Variants in EFR3B observed in about 807,000 individuals in gnomAD.
EFR3B encodes protein EFR3 homolog B.
A neutral mutation model predicts 104.7 loss-of-function variants in EFR3B; 64 were observed. The ratio of observed to expected loss-of-function variants is 0.61; its 90% CI spans 0.50 to 0.75. The LOEUF is 0.75. Ranked by LOEUF, EFR3B falls within the 30% of genes least tolerant of loss-of-function variation. The pLI, the probability that EFR3B is intolerant of heterozygous loss-of-function variation, is 0.00. For synonymous variants in EFR3B, 385 were observed against 417.9 expected, an observed-to-expected ratio of 0.92 and a Z score of 0.96; for missense variants, 750 against 1,078.5, an observed-to-expected ratio of 0.70 and a Z score of 4.27.
At chr2:25,110,446 C>G (rs1310170982) in intron 4 of EFR3B, among the ~76,000 whole-genome samples, 5 of 152,202 alleles carry the variant, frequency 3.3e-5, no homozygotes, top group Admixed American at 2.6e-4. Context: ...CTTCTTCAGT[C>G]TCAAGATGCC....
rs796513512 is a variant in EFR3B at position 25,054,057 on chromosome 2, G to A, written c.7+11738G>A. ...TGCGCAGATCCCTTATCCCTAGACA[G>A]CAAAGCTGTGCAGTCCATGGGTTAG... On this transcript the variant is annotated intron_variant, in intron 1 of 22. Coordinates refer to ENST00000403714, the MANE Select transcript of EFR3B (RefSeq NM_014971.2). Among the ~76,000 whole-genome samples the A allele has an allele frequency of 2.5e-4, 38 of 152,340 alleles. 1 individual carries two copies. Among genetic ancestry groups the A allele is most frequent in the African/African-American group, 8.7e-4 (36 of 41,578 alleles).
chr2:25,068,263 G>A (rs143319978), intron 1 of EFR3B, among the ~76,000 whole-genome samples: 2 of 152,240 alleles, frequency 1.3e-5, no homozygotes, highest in East Asian at 3.9e-4. Flanking sequence ...GCCGACAGTC[G>A]TGTCCTACTC....
intron 16 of EFR3B, among the ~76,000 whole-genome samples, chr2:25,139,549 A>T (rs773712625): frequency 5.3e-5 from 8 of 152,214 alleles, no homozygotes; most frequent in Non-Finnish European, 8.8e-5. Flanking sequence ...ACCTCAGATC[A>T]TGCAGACTAC....
intron 4 of EFR3B, among the ~76,000 whole-genome samples, chr2:25,109,617 C>A (rs2149194795): frequency 6.6e-6 from 1 of 152,212 alleles, no homozygotes. Flanking sequence ...TAGAAACAAC[C>A]AAAAAGGTCA....
In EFR3B at chr2:25,131,830, G is replaced by A. The variant is rs1300938078; in HGVS notation, c.1066G>A (p.Asp356Asn). Residue 356 changes from aspartate (D) to asparagine (N), a missense_variant, in exon 10 of 23, where the codon GAC becomes AAC. Physicochemically the swap from Asp to Asn is conservative, Grantham distance 23 (BLOSUM62 1). Transcript: ENST00000403714. The surrounding 1 kb of genome is among the most constrained non-coding windows in gnomAD (Gnocchi z 7.6). ...SIDYALTGSYDGAVSLGTKII... is the reference protein window; with the variant it reads ...SIDYALTGSYNGAVSLGTKII... ...CGACTACGCGCTGACCGGGAGCTAC[G>A]ACGGGGCGGTCAGCCTCGGCACCAA... 8 of 1,549,908 alleles carry A rather than the reference G, an allele frequency of 5.2e-6. No homozygotes were observed. Among genetic ancestry groups the A allele is most frequent in the Non-Finnish European group, 7.0e-6 (8 of 1,146,518 alleles).
At chr2:25,069,793 T>A (rs554433784) in intron 1 of EFR3B, among the ~76,000 whole-genome samples, 2 of 152,250 alleles carry the variant, frequency 1.3e-5, no homozygotes, top group African/African-American at 4.8e-5. Context: ...GCCTCCCGGG[T>A]TCAGGACATT....
intron 1 of EFR3B, among the ~76,000 whole-genome samples, chr2:25,050,434 G>C (rs1174716925): frequency 6.6e-6 from 1 of 152,216 alleles, no homozygotes; most frequent in Non-Finnish European, 1.5e-5. Context: ...AAAAAGCTCT[G>C]TGTGGGGGTG....
chr2:25,046,912 C>T (rs528086436), intron 1 of EFR3B, among the ~76,000 whole-genome samples: 1 of 152,170 alleles, frequency 6.6e-6, no homozygotes, highest in East Asian at 1.9e-4. Flanking sequence ...GCCTCCTCCC[C>T]CAGATCCTAA....
At chr2:25,102,716 G>A (rs1669458765) in intron 3 of EFR3B, among the ~76,000 whole-genome samples, 1 of 152,122 alleles carries the variant, frequency 6.6e-6, no homozygotes, top group Admixed American at 6.6e-5. Context: ...TCTAGTGAGA[G>A]GACTTGGCTC....
At chr2:25,064,998 C>T (rs1668292381) in intron 1 of EFR3B, among the ~76,000 whole-genome samples, 1 of 152,100 alleles carries the variant, frequency 6.6e-6, no homozygotes, top group Admixed American at 6.6e-5. Flanking sequence ...CAGTTCACCC[C>T]TAGCCCAGGG....
chr2:25,082,143 G>T (rs112382000), intron 1 of EFR3B, among the ~76,000 whole-genome samples: 22 of 152,354 alleles, frequency 1.4e-4, no homozygotes, highest in African/African-American at 3.6e-4. Context: ...CTCACATGTT[G>T]GACAGGCAAG....
chr2:25,068,694 A>G (rs1340979738), intron 1 of EFR3B, among the ~76,000 whole-genome samples: 1 of 149,316 alleles, frequency 6.7e-6, no homozygotes, highest in Non-Finnish European at 1.5e-5. Context: ...CAGTGGCGCG[A>G]TCTCGGCTCA....
chr2:25,153,497 C>T (rs1194644888), intron 21 of EFR3B, among the ~76,000 whole-genome samples: 4 of 152,206 alleles, frequency 2.6e-5, no homozygotes, highest in East Asian at 3.8e-4. Context: ...AGCCTCTGTC[C>T]TGTCCCCAGC....
chr2:25,080,044 T>C, intron 1 of EFR3B: 1 of 878,966 alleles, frequency 1.1e-6, no homozygotes, highest in Non-Finnish European at 1.9e-6. Flanking sequence ...CTCGGTGCCT[T>C]AGCATCATCA....
At position 25,140,050 on chromosome 2, in the gene EFR3B, A is replaced by G. The variant is rs1189062742; in HGVS notation, c.1854+860A>G. Among the ~76,000 whole-genome samples the G allele has an allele frequency of 2.6e-5, 4 of 152,288 alleles. No individual in the cohort carries two copies. The East Asian group carries it at 7.7e-4, about 29-fold the overall frequency. ...TTAGCAAGCCAGGCGCAGTGGCTCA[A>G]GCCTGTAATCCCAGCACTTTGGGAG... On this transcript the variant is annotated intron_variant, in intron 16 of 22. Coordinates refer to ENST00000403714, the MANE Select transcript of EFR3B (RefSeq NM_014971.2).
chr2:25,143,661 A>T (rs1175947011), intron 17 of EFR3B, 74 bp from the exon 18 acceptor site: 12 of 785,178 alleles, frequency 1.5e-5, no homozygotes, highest in East Asian at 5.3e-5. Context: ...ACCCTGTCTT[A>T]AAAAAAAAAA....
intron 1 of EFR3B, among the ~76,000 whole-genome samples, chr2:25,053,109 T>C (rs1002771133): frequency 2.6e-5 from 4 of 152,172 alleles, no homozygotes; most frequent in African/African-American, 9.7e-5. Flanking sequence ...TGGAGCTCAC[T>C]GTATTTCAGA....
intron 17 of EFR3B, among the ~76,000 whole-genome samples, chr2:25,143,533 G>T (rs1670732679): frequency 1.3e-5 from 2 of 152,084 alleles, no homozygotes; most frequent in East Asian, 3.9e-4. Context: ...GGTGGCAGGT[G>T]CCTTTAATCC....
chr2:25,134,029 C>G (rs1670452677), intron 12 of EFR3B, among the ~76,000 whole-genome samples: 1 of 152,198 alleles, frequency 6.6e-6, no homozygotes, highest in Non-Finnish European at 1.5e-5. Flanking sequence ...ACAAGTTCCC[C>G]AGGTATTCTG....
Sources: allele counts gnomAD v4.1 joint callset (sites outside exome capture counted in the v4.1 genomes callset), GRCh38; gene constraint gnomAD v4.1.1; non-coding constraint Gnocchi (gnomAD v3.1); transcripts MANE v1.5; gene names NCBI Gene and HGNC (gene_info 2026-07-23, HGNC 2026-07-21).